The following NXPE2 variants were observed in gnomAD, a reference collection of about 807,000 sequenced individuals.
The protein encoded by NXPE2 is NXPE family member 2.
In NXPE2, 34 loss-of-function variants were observed where a neutral mutation model predicts 34.4. That is an observed-to-expected ratio of 0.99 (90% CI 0.75 to 1.31). NXPE2 has a LOEUF of 1.31. NXPE2 is among the 40% of genes most tolerant of loss of function. The pLI is 0.00. For missense variants in NXPE2, 649 were observed against 672.5 expected, an observed-to-expected ratio of 0.97 and a Z score of 0.39; for synonymous variants, 235 against 231.3, an observed-to-expected ratio of 1.02 and a Z score of -0.15.
intron 2 of NXPE2, among the ~76,000 whole-genome samples, chr11:114,697,465 C>A (rs1355488101): frequency 6.6e-6 from 1 of 152,182 alleles, no homozygotes; most frequent in Non-Finnish European, 1.5e-5. Context: ...GCCTCCAGAA[C>A]TATGAGTGAA....
chr11:114,689,575 G>A (rs1036549428), intron 2 of NXPE2, among the ~76,000 whole-genome samples: 1 of 152,080 alleles, frequency 6.6e-6, no homozygotes, highest in Non-Finnish European at 1.5e-5. Context: ...GTTGGGTGGA[G>A]TACTTTGTAG....
At chr11:114,679,822 C>A (rs1950918913) in intron 2 of NXPE2, 60 bp downstream of exon 2, 2 of 957,594 alleles carry the variant, frequency 2.1e-6, no homozygotes, top group Non-Finnish European at 3.2e-6. Flanking sequence ...TTTGAATGAC[C>A]CCCTTTATCA....
the NXPE2 span, among the ~76,000 whole-genome samples, chr11:114,804,056 A>G: frequency 3.8e-4 from 58 of 152,358 alleles, no homozygotes; most frequent in African/African-American, 1.4e-3. Context: ...TATCTACTCT[A>G]CAAAAGGGCA....
the NXPE2 span, among the ~76,000 whole-genome samples, chr11:114,516,588 A>G: frequency 3.9e-5 from 6 of 152,084 alleles, no homozygotes; most frequent in Non-Finnish European, 7.4e-5. Flanking sequence ...TATTATTATT[A>G]TTGAAAAACT....
At chr11:114,716,422 T>C in the NXPE2 span, among the ~76,000 whole-genome samples, 2 of 152,284 alleles carry the variant, frequency 1.3e-5, no homozygotes, top group South Asian at 2.1e-4. Flanking sequence ...GGATGAGGCA[T>C]GAAATAAAAA....
chr11:114,647,855 C>G, the NXPE2 span, among the ~76,000 whole-genome samples: 1 of 152,042 alleles, frequency 6.6e-6, no homozygotes, highest in African/African-American at 2.4e-5. Flanking sequence ...GTGCCTGCCA[C>G]TGTGCATGGC....
At chr11:114,534,005 C>G in the NXPE2 span, among the ~76,000 whole-genome samples, 10 of 152,204 alleles carry the variant, frequency 6.6e-5, no homozygotes, top group African/African-American at 2.4e-4. Context: ...GGTCCCTGAC[C>G]CCCAAGTAGC....
At chr11:114,725,689 A>G in the NXPE2 span, among the ~76,000 whole-genome samples, 803 of 152,002 alleles carry the variant, frequency 5.3e-3, 4 homozygotes, top group African/African-American at 0.019. Flanking sequence ...GTCTCTCATC[A>G]GCATCCCTAA....
the NXPE2 span, among the ~76,000 whole-genome samples, chr11:114,715,951 A>G: frequency 6.6e-6 from 1 of 152,076 alleles, no homozygotes; most frequent in East Asian, 1.9e-4. Context: ...ATCAAACCAG[A>G]CTTTTCTTGG....
chr11:114,700,009 G>A (rs1951336017), intron 3 of NXPE2, among the ~76,000 whole-genome samples: 1 of 152,064 alleles, frequency 6.6e-6, no homozygotes, highest in African/African-American at 2.4e-5. Flanking sequence ...GGCCAGGCTG[G>A]TCTTGAACTC....
At chr11:114,553,804 C>T in the NXPE2 span, 6 of 975,634 alleles carry the variant, frequency 6.1e-6, no homozygotes, top group Non-Finnish European at 7.3e-6. Flanking sequence ...CTTATGAAAG[C>T]CTATTCATGC....
the NXPE2 span, among the ~76,000 whole-genome samples, chr11:114,478,076 C>T: frequency 2.0e-5 from 3 of 152,178 alleles, no homozygotes; most frequent in East Asian, 3.9e-4. Flanking sequence ...CCCCCTCCCC[C>T]ACCCCAAGTA....
chr11:114,709,989 A>G (rs1859581412), downstream of NXPE2, among the ~76,000 whole-genome samples: 2 of 152,180 alleles, frequency 1.3e-5, no homozygotes, highest in Non-Finnish European at 2.9e-5. Flanking sequence ...ACATTGCACT[A>G]TTAAACAGCC....
At chr11:114,715,418 A>G in the NXPE2 span, among the ~76,000 whole-genome samples, 13 of 152,368 alleles carry the variant, frequency 8.5e-5, no homozygotes, top group Non-Finnish European at 1.8e-4. Flanking sequence ...TTTGAGTTGA[A>G]GTATTTCTGT....
the NXPE2 span, among the ~76,000 whole-genome samples, chr11:114,558,914 T>C: frequency 3.3e-5 from 5 of 152,152 alleles, no homozygotes; most frequent in Admixed American, 1.3e-4. Flanking sequence ...GCTGTAATTG[T>C]AGGGAATTAA....
At chr11:114,712,923 A>G in the NXPE2 span, among the ~76,000 whole-genome samples, 2 of 152,352 alleles carry the variant, frequency 1.3e-5, no homozygotes, top group South Asian at 2.1e-4. Flanking sequence ...TGGCATATAC[A>G]TACAGTGAAA....
the NXPE2 span, among the ~76,000 whole-genome samples, chr11:114,667,500 T>C: frequency 6.6e-6 from 1 of 152,070 alleles, no homozygotes; most frequent in Admixed American, 6.6e-5. Flanking sequence ...CCCCACCTCT[T>C]GAGTAATAAT....
the NXPE2 span, among the ~76,000 whole-genome samples, chr11:114,739,332 CTT>C: frequency 2.2e-5 from 1 of 45,954 alleles, no homozygotes; most frequent in East Asian, 5.0e-4. Context: ...TCCTTCCTTC[CTT>C]CCTTCCCCCC....
the NXPE2 span, among the ~76,000 whole-genome samples, chr11:114,760,589 G>C: frequency 6.6e-6 from 1 of 152,130 alleles, no homozygotes; most frequent in Non-Finnish European, 1.5e-5. Context: ...AAGACAAAGG[G>C]AGAGTCTGTG....
Sources: allele counts gnomAD v4.1 joint callset (sites outside exome capture counted in the v4.1 genomes callset), GRCh38; gene constraint gnomAD v4.1.1; transcripts MANE v1.5; gene names NCBI Gene and HGNC (gene_info 2026-07-23, HGNC 2026-07-21).